The following ATP9B variants were observed in gnomAD, a reference collection of about 807,000 sequenced individuals.
ATP9B encodes probable phospholipid-transporting ATPase IIB.
ATP9B carries 110 observed loss-of-function variants against 146.1 expected under a neutral mutation model. That is an observed-to-expected ratio of 0.75 (90% CI 0.65 to 0.88). The LOEUF is 0.88. ATP9B is among the 40% of genes least tolerant of loss of function. ATP9B has a pLI of 0.00. For missense variants in ATP9B, 1,499 were observed against 1,496.4 expected (o/e 1.00, Z -0.03); for synonymous variants, 604 against 569.7 (o/e 1.06, Z -0.86).
At chr18:79,184,151 T>C (rs1411954657) in intron 8 of ATP9B, among the ~76,000 whole-genome samples, 5 of 152,230 alleles carry the variant, frequency 3.3e-5, no homozygotes, top group African/African-American at 1.2e-4. Flanking sequence ...AGTATTCATT[T>C]ATCATTTTAA....
intron 6 of ATP9B, among the ~76,000 whole-genome samples, chr18:79,152,374 T>C (rs536210465): frequency 5.3e-5 from 8 of 152,368 alleles, no homozygotes; most frequent in East Asian, 1.9e-4. Context: ...AGTTATTCTT[T>C]CCTTTCTTAT....
chr18:79,154,339 G>A (rs1375955898), intron 6 of ATP9B, among the ~76,000 whole-genome samples, 165 bp from the exon 7 acceptor site: 2 of 151,966 alleles, frequency 1.3e-5, no homozygotes, highest in African/African-American at 4.8e-5. Flanking sequence ...ATTAAAATGT[G>A]AATTAAAATA....
intron 4 of ATP9B, among the ~76,000 whole-genome samples, chr18:79,119,958 C>T: frequency 6.6e-6 from 1 of 152,058 alleles, no homozygotes; most frequent in South Asian, 2.1e-4. Context: ...AATAATTAGA[C>T]AAAGTTAAGG....
chr18:79,184,803 A>G (rs2095289600), intron 8 of ATP9B, among the ~76,000 whole-genome samples: 1 of 152,166 alleles, frequency 6.6e-6, no homozygotes, highest in African/African-American at 2.4e-5. Context: ...CACTTGGACA[A>G]AAGCCCCACC....
intron 20 of ATP9B, chr18:79,343,651 AT>A (rs2096870260): frequency 6.5e-6 from 1 of 153,248 alleles, no homozygotes; most frequent in African/African-American, 2.4e-5. Context: ...TAACACCTTG[AT>A]TTGAGAGCGT....
chr18:79,311,161 A>G (rs2146659999), intron 15 of ATP9B, among the ~76,000 whole-genome samples: 1 of 148,576 alleles, frequency 6.7e-6, no homozygotes, highest in South Asian at 2.2e-4. Context: ...CAAAAAAAAG[A>G]AAAGAAATGC....
At chr18:79,347,698 T>C (rs1299387472) in intron 23 of ATP9B, 72 bp from the exon 24 acceptor site, 1 of 1,461,002 alleles carries the variant, frequency 6.8e-7, no homozygotes, top group Non-Finnish European at 9.1e-7. Context: ...GGCTGAGTTC[T>C]AAAACTCACT....
At chr18:79,119,083 A>AAC (rs1203542002) in intron 4 of ATP9B, among the ~76,000 whole-genome samples, 2 of 151,230 alleles carry the variant, frequency 1.3e-5, no homozygotes, top group African/African-American at 2.4e-5. Flanking sequence ...AAAAAAAAAA[A>AAC]AAAAAATTGC....
At chr18:79,111,845 CTT>C (rs1159145912) in intron 3 of ATP9B, among the ~76,000 whole-genome samples, 1 of 152,112 alleles carries the variant, frequency 6.6e-6, no homozygotes, top group Non-Finnish European at 1.5e-5. Flanking sequence ...TGAAATTAGT[CTT>C]TTCATCTAAA....
chr18:79,097,176 TAGAGAAAA>T, intron 2 of ATP9B, among the ~76,000 whole-genome samples: 1 of 150,122 alleles, frequency 6.7e-6, no homozygotes, highest in Non-Finnish European at 1.5e-5. Context: ...AAAAAAAAGC[TAGAGAAAA>T]TTAGTGACTT....
At chr18:79,376,582 G>A (rs1002453031) in intron 29 of ATP9B, among the ~76,000 whole-genome samples, 1 of 151,910 alleles carries the variant, frequency 6.6e-6, no homozygotes, top group Non-Finnish European at 1.5e-5. Flanking sequence ...TAGAGACAAG[G>A]TTTCCCCATG....
intron 8 of ATP9B, among the ~76,000 whole-genome samples, chr18:79,181,600 CT>C (rs146963940): frequency 3.3e-5 from 5 of 151,808 alleles, no homozygotes; most frequent in African/African-American, 1.2e-4. Context: ...TTTTCTCAGC[CT>C]TTTTTTTCCT....
In ATP9B at chr18:79,343,992, G is replaced by A. The variant is rs2096872590; in HGVS notation, c.2383-273G>A. On this transcript the variant is annotated intron_variant, in intron 20 of 29. Coordinates refer to ENST00000426216, the MANE Select transcript of ATP9B (RefSeq NM_198531.5). ...CACCCTTTACACAAATTTCATCAGA[G>A]TGGTGATTCCACTGCATTCCTCACT... 1.2e-5 allele frequency: 6 copies of A among 516,390 alleles called. No homozygotes were observed. In the Admixed American group the frequency reaches 1.8e-4, roughly 15 times the overall value. The allele number at this position is 516,390 out of a possible 1,614,324, so 32.0% of individuals were successfully genotyped here. A position where few individuals can be genotyped will look rare whatever the true frequency, so the allele number is the denominator to read the frequency against.
chr18:79,072,701 GC>G (rs376667450), intron 1 of ATP9B, among the ~76,000 whole-genome samples: 1 of 138,124 alleles, frequency 7.2e-6, no homozygotes, highest in Admixed American at 7.1e-5. Context: ...GGGTGGGGGC[GC>G]CCCCCCACCT....
intron 18 of ATP9B, 142 bp downstream of exon 18, chr18:79,336,853 G>A: frequency 2.5e-6 from 2 of 794,534 alleles, no homozygotes; most frequent in Non-Finnish European, 2.1e-6. Flanking sequence ...CAGGAGCATG[G>A]GGTGATCCTG....
intron 5 of ATP9B, among the ~76,000 whole-genome samples, chr18:79,136,910 G>A (rs1019320296): frequency 1.3e-5 from 2 of 152,158 alleles, no homozygotes; most frequent in African/African-American, 4.8e-5. Context: ...AGTGCAAAAA[G>A]GGGAAAAGCC....
intron 13 of ATP9B, among the ~76,000 whole-genome samples, chr18:79,291,083 G>T (rs1026256560): frequency 1.3e-5 from 2 of 152,118 alleles, no homozygotes; most frequent in Admixed American, 1.3e-4. Flanking sequence ...GATGCCTGCA[G>T]GACTTTTTCC....
At chr18:79,176,717 C>A in intron 7 of ATP9B, 96 bp from the exon 8 acceptor site, 1 of 959,676 alleles carries the variant, frequency 1.0e-6, no homozygotes, top group Non-Finnish European at 1.6e-6. Flanking sequence ...CTTTGTCCTA[C>A]TGTGCCCTGG....
intron 13 of ATP9B, among the ~76,000 whole-genome samples, chr18:79,303,069 T>C (rs2096601430): frequency 6.6e-6 from 1 of 152,156 alleles, no homozygotes; most frequent in Admixed American, 6.5e-5. Flanking sequence ...CTAGAGCCCT[T>C]CTCATTATTA....
Sources: allele counts gnomAD v4.1 joint callset (sites outside exome capture counted in the v4.1 genomes callset), GRCh38; gene constraint gnomAD v4.1.1; transcripts MANE v1.5; gene names NCBI Gene and HGNC (gene_info 2026-07-23, HGNC 2026-07-21).